OR4E2: variants seen among roughly 807,000 people sequenced by gnomAD.
The protein encoded by OR4E2 is olfactory receptor family 4 subfamily E member 2, also known as olfactory receptor 4E2.
A neutral mutation model predicts 11.0 loss-of-function variants in OR4E2; 9 were observed. That is an observed-to-expected ratio of 0.82 (90% CI 0.49 to 1.43). OR4E2 has a LOEUF of 1.43. Among genes scored for constraint, OR4E2 ranks in the 40% most tolerant of loss-of-function variants. The pLI, the probability that OR4E2 is intolerant of heterozygous loss-of-function variation, is 0.00. For missense variants in OR4E2, 441 were observed against 382.0 expected (o/e 1.15, Z -1.29); for synonymous variants, 159 against 147.3 (o/e 1.08, Z -0.57).
intron 2 of OR4E2, among the ~76,000 whole-genome samples, chr14:21,658,339 G>A (rs1880130533): frequency 6.6e-6 from 1 of 152,176 alleles, no homozygotes; most frequent in Admixed American, 6.5e-5. Context: ...CATTCAATCA[G>A]TATAGGCAGT....
In OR4E2 at chr14:21,666,269, A is replaced by T; in HGVS notation, c.*245A>T. 1 of 400,956 alleles carries T rather than the reference A, an allele frequency of 2.5e-6. No homozygotes were observed. The highest frequency in any genetic ancestry group is 3.5e-5 in the South Asian group (1 of 28,694). The allele number at this position is 400,956 out of a possible 1,614,324, so 24.8% of individuals were successfully genotyped here. A position where few individuals can be genotyped will look rare whatever the true frequency, so the allele number is the denominator to read the frequency against. Reference sequence around the variant, plus strand: ...GGAAAAATAACGTGGGAAAGTTTAAAGACAGCTTTTGATTTCATCAGTAAA... The same window carrying T: ...GGAAAAATAACGTGGGAAAGTTTAATGACAGCTTTTGATTTCATCAGTAAA... On this transcript the variant is annotated 3_prime_UTR_variant, in exon 4 of 4. Coordinates refer to ENST00000641524, the MANE Select transcript of OR4E2 (RefSeq NM_001001912.3).
intron 2 of OR4E2, among the ~76,000 whole-genome samples, chr14:21,658,970 A>C (rs1013191560): frequency 2.0e-5 from 3 of 151,960 alleles, no homozygotes; most frequent in African/African-American, 7.3e-5. Flanking sequence ...AGATCAACTT[A>C]CCCCCAAATT....
intron 2 of OR4E2, among the ~76,000 whole-genome samples, chr14:21,657,553 G>C (rs184477390): frequency 4.7e-4 from 53 of 111,900 alleles, no homozygotes; most frequent in African/African-American, 1.7e-3. Flanking sequence ...TTTTCTGTCT[G>C]TCTCTCTCTC....
chr14:21,664,115 C>T (rs1880490902), intron 3 of OR4E2, among the ~76,000 whole-genome samples: 1 of 152,116 alleles, frequency 6.6e-6, no homozygotes, highest in African/African-American at 2.4e-5. Flanking sequence ...TGGTTATATA[C>T]CCAGTAATGG....
intron 2 of OR4E2, among the ~76,000 whole-genome samples, chr14:21,658,428 G>C (rs539361392): frequency 2.7e-4 from 41 of 152,270 alleles, no homozygotes; most frequent in Non-Finnish European, 5.1e-4. Context: ...ACACGATAAT[G>C]GTCTACTGTG....
Position 21,665,982 on chromosome 14 carries a change from G to T in OR4E2, c.900G>T (p.Gln300His). 2.5e-6 allele frequency: 4 copies of T among 1,614,060 alleles called. No individual in the cohort carries two copies. Among genetic ancestry groups the T allele is most frequent in the Non-Finnish European group, 3.4e-6 (4 of 1,180,006 alleles). ...AGGAGGTAAAAAGTGCCATGAAGCA[G>T]CTCAGGCAGAGACAAGTTTTTTTCA... ...RNEEVKSAMK[Q>H]LRQRQVFFTK... The change falls in exon 4 of 4, where the codon CAG becomes CAT. Residue 300 changes from glutamine to histidine, a missense_variant. Physicochemically the swap from Gln to His is conservative, Grantham distance 24. Coordinates refer to ENST00000641524, the MANE Select transcript of OR4E2 (RefSeq NM_001001912.3).
At position 21,654,479 on chromosome 14, in the gene OR4E2, G is replaced by A. The variant is rs114334716; in HGVS notation, c.-191+540G>A. ...CACACAGATGCACACACACACACAC[G>A]CATGCACACACACATACATAAATTA... is the stretch of plus-strand genomic sequence containing the variant. On this transcript the variant is annotated intron_variant, in intron 1 of 3. Coordinates refer to ENST00000641524, the MANE Select transcript of OR4E2 (RefSeq NM_001001912.3). Among the ~76,000 whole-genome samples the A allele has an allele frequency of 9.3e-3, 1,391 of 149,462 alleles. 17 individuals are homozygous for A. The highest frequency in any genetic ancestry group is 0.032 in the African/African-American group (1,312 of 40,456).
intron 3 of OR4E2, among the ~76,000 whole-genome samples, chr14:21,662,833 C>T (rs1880408536): frequency 6.6e-6 from 1 of 151,930 alleles, no homozygotes; most frequent in African/African-American, 2.4e-5. Flanking sequence ...TTGCATTTAG[C>T]TTTTTTCATA....
At chr14:21,661,351 C>T (rs1880312974) in intron 3 of OR4E2, among the ~76,000 whole-genome samples, 1 of 152,152 alleles carries the variant, frequency 6.6e-6, no homozygotes, top group African/African-American at 2.4e-5. Flanking sequence ...AATATATATG[C>T]ATACACACAC....
chr14:21,665,236 A>G lies in OR4E2; in HGVS notation c.154A>G (p.Thr52Ala), dbSNP rs375299406. The G allele has an allele frequency of 8.1e-6, 13 of 1,613,752 alleles. No homozygotes were observed. Among genetic ancestry groups the G allele is most frequent in the African/African-American group, 1.3e-5 (1 of 74,816 alleles). ...NILIIIATVFTPSLHTPMYFF... is the reference protein window; with the variant it reads ...NILIIIATVFAPSLHTPMYFF... ...TCTCATCATCATTGCCACAGTCTTTACTCCAAGTCTCCATACCCCCATGTA... is the reference window on the plus strand; with the variant it reads ...TCTCATCATCATTGCCACAGTCTTTGCTCCAAGTCTCCATACCCCCATGTA... The change falls in exon 4 of 4, where the codon ACT becomes GCT. Residue 52 changes from threonine (T) to alanine (A), a missense_variant. Physicochemically the swap from Thr to Ala is moderately conservative, Grantham distance 58. Coordinates refer to ENST00000641524, the MANE Select transcript of OR4E2 (RefSeq NM_001001912.3).
chr14:21,662,018 A>T (rs1301854687), intron 3 of OR4E2, among the ~76,000 whole-genome samples: 1 of 152,126 alleles, frequency 6.6e-6, no homozygotes, highest in Non-Finnish European at 1.5e-5. Context: ...TCCTTTCCTT[A>T]TATCTTTGTT....
intron 2 of OR4E2, among the ~76,000 whole-genome samples, chr14:21,657,553 G>GTCTCTC (rs1234140909): frequency 3.6e-5 from 4 of 111,910 alleles, no homozygotes; most frequent in African/African-American, 1.0e-4. Context: ...TTTTCTGTCT[G>GTCTCTC]TCTCTCTCTC....
At position 21,657,191 on chromosome 14, in the gene OR4E2, T is replaced by A. The variant is rs141817140; in HGVS notation, c.-103+602T>A. On this transcript the variant is annotated intron_variant, in intron 2 of 3. Transcript: ENST00000641524. Reference sequence around the variant, plus strand: ...CTCTGAAAGTCAGTGTACAGATTAGTTTTGGGCTGTTCTGGAGAAGATTTG... The same window carrying A: ...CTCTGAAAGTCAGTGTACAGATTAGATTTGGGCTGTTCTGGAGAAGATTTG... 7.0e-4 allele frequency among the ~76,000 whole-genome samples: 107 copies of A among 152,264 alleles called. 1 individual carries two copies. The East Asian group carries it at 0.015, about 21-fold the overall frequency.
intron 2 of OR4E2, among the ~76,000 whole-genome samples, chr14:21,657,369 C>CCTTT (rs1880011618): frequency 6.9e-6 from 1 of 145,876 alleles, no homozygotes; most frequent in East Asian, 2.0e-4. Flanking sequence ...TTCCTTCCTT[C>CCTTT]CTTCCTTCCT....
At chr14:21,658,497 T>A (rs1290722668) in intron 2 of OR4E2, among the ~76,000 whole-genome samples, 1 of 152,192 alleles carries the variant, frequency 6.6e-6, no homozygotes, top group Non-Finnish European at 1.5e-5. Context: ...CTTCTCTAAG[T>A]GGGTCCTTGC....
rs552717671 is a variant in OR4E2 at position 21,657,412 on chromosome 14, T to TTC, written c.-103+825_-103+826dup. Among the ~76,000 whole-genome samples, 3 of 149,522 alleles carry TTC rather than the reference T, an allele frequency of 2.0e-5. No individual in the cohort carries two copies. The Admixed American group carries it at 2.0e-4, about 10-fold the overall frequency. ...TTTCTTTCTTCCTTCCTTCCTTTCT[T>TTC]TCTTTCTTTCTCTTTCTTTCTTCTT... On this transcript the variant is annotated intron_variant, in intron 2 of 3. Transcript: ENST00000641524.
At position 21,666,096 on chromosome 14, in the gene OR4E2, A is replaced by T. The variant is rs1880635937; in HGVS notation, c.*72A>T. The stretch of plus-strand genomic sequence containing the variant: ...AGAGCAAAAGTAAAGAGTCAAAATC[A>T]ACTTATATAACTTGGTAAATTAGGT... On this transcript the variant is annotated 3_prime_UTR_variant, in exon 4 of 4. Transcript: ENST00000641524. The T allele has an allele frequency of 2.1e-5, 22 of 1,060,672 alleles. No homozygotes were observed. The South Asian group carries it at 3.4e-4, about 16-fold the overall frequency. The allele number at this position is 1,060,672 out of a possible 1,614,324, so 65.7% of individuals were successfully genotyped here. A position where few individuals can be genotyped will look rare whatever the true frequency, so the allele number is the denominator to read the frequency against.
In OR4E2 at chr14:21,665,734, T is replaced by C; in HGVS notation, c.652T>C (p.Tyr218His). ...CTGTTTCTTGGCCGTGGTCACCTCC[T>C]ATATGGTCATCCTGGTTTCTCTTCG... Reference protein sequence around the residue: ...LSCFLAVVTSYMVILVSLRKH... With the variant: ...LSCFLAVVTSHMVILVSLRKH... Residue 218 changes from tyrosine to histidine, a missense_variant, in exon 4 of 4, where the codon TAT becomes CAT. Tyr to His is a moderately conservative substitution (Grantham distance 83). Transcript: ENST00000641524. 1 of 1,614,190 alleles carries C rather than the reference T, an allele frequency of 6.2e-7. No individual in the cohort carries two copies. Among genetic ancestry groups the C allele is most frequent in the Non-Finnish European group, 8.5e-7 (1 of 1,180,018 alleles).
At chr14:21,657,337 GCTTC>G (rs544921356) in intron 2 of OR4E2, among the ~76,000 whole-genome samples, 26,799 of 112,258 alleles carry the variant, frequency 0.24, 3,217 homozygotes, top group Middle Eastern at 0.27. Context: ...GATGTTAAAT[GCTTC>G]CTTCCTTCCT....
Sources: allele counts gnomAD v4.1 joint callset (sites outside exome capture counted in the v4.1 genomes callset), GRCh38; gene constraint gnomAD v4.1.1; transcripts MANE v1.5; gene names NCBI Gene and HGNC (gene_info 2026-07-23, HGNC 2026-07-21).